PREP: variants seen among roughly 807,000 people sequenced by gnomAD.
PREP encodes dJ355L5.1 (prolyl endopeptidase).
PREP carries 29 observed loss-of-function variants against 87.6 expected under a neutral mutation model. The ratio of observed to expected loss-of-function variants is 0.33; its 90% CI spans 0.25 to 0.45. The LOEUF is 0.45. PREP is among the 20% of genes least tolerant of loss of function. The pLI is 1.00. For synonymous variants in PREP, 337 were observed against 328.6 expected (o/e 1.03, Z -0.28); for missense variants, 695 against 886.5 (o/e 0.78, Z 2.74).
chr6:105,308,279 A>G (rs1770692498), intron 10 of PREP, among the ~76,000 whole-genome samples: 1 of 152,224 alleles, frequency 6.6e-6, no homozygotes, highest in African/African-American at 2.4e-5. Flanking sequence ...ATGATCCTAG[A>G]TTCTCATAAA....
intron 10 of PREP, among the ~76,000 whole-genome samples, chr6:105,297,370 T>C (rs551047260): frequency 1.6e-4 from 24 of 152,344 alleles, no homozygotes; most frequent in African/African-American, 4.3e-4. Context: ...TAGTAACATA[T>C]AAAATGTCAT....
intron 7 of PREP, 83 bp downstream of exon 7, chr6:105,352,889 G>C: frequency 8.0e-7 from 1 of 1,242,530 alleles, no homozygotes; most frequent in South Asian, 1.3e-5. Flanking sequence ...AGAGGGTCTT[G>C]GGAAATCAAT....
At chr6:105,393,437 T>C (rs954199088) in intron 2 of PREP, among the ~76,000 whole-genome samples, 1 of 152,150 alleles carries the variant, frequency 6.6e-6, no homozygotes, top group East Asian at 1.9e-4. Flanking sequence ...GAATCTTTTC[T>C]AGCTGTCAAG....
intron 1 of PREP, among the ~76,000 whole-genome samples, chr6:105,400,931 A>G (rs890801546): frequency 6.6e-6 from 1 of 152,250 alleles, no homozygotes; most frequent in South Asian, 2.1e-4. Flanking sequence ...GCAAATACCT[A>G]AGTCAAGCCT....
At chr6:105,341,844 A>C (rs1176082599) in intron 7 of PREP, among the ~76,000 whole-genome samples, 1 of 152,252 alleles carries the variant, frequency 6.6e-6, no homozygotes, top group African/African-American at 2.4e-5. Context: ...ACCAGGAAGA[A>C]GTTGCATCCC....
intron 10 of PREP, among the ~76,000 whole-genome samples, chr6:105,309,717 C>T (rs1222246236): frequency 6.6e-6 from 1 of 152,214 alleles, no homozygotes; most frequent in Non-Finnish European, 1.5e-5. Flanking sequence ...CGCCCCCAGA[C>T]ACTCTTGCAC....
rs1237340683 is a variant in PREP at position 105,277,333 on chromosome 6, C to G, written c.*811G>C. 6.6e-6 allele frequency among the ~76,000 whole-genome samples: 1 copy of G among 151,956 alleles called. No individual in the cohort carries two copies. Among genetic ancestry groups the G allele is most frequent in the African/African-American group, 2.4e-5 (1 of 41,360 alleles). Reference sequence around the variant, plus strand: ...CATGTGATCTCTTGGAACCAAGGATCCTTGGATCCAAGGAACTCTGATTTC... The same window carrying G: ...CATGTGATCTCTTGGAACCAAGGATGCTTGGATCCAAGGAACTCTGATTTC... On this transcript the variant is annotated 3_prime_UTR_variant, in exon 15 of 15. Coordinates refer to ENST00000652536, the MANE Select transcript of PREP (RefSeq NM_002726.5).
intron 6 of PREP, among the ~76,000 whole-genome samples, chr6:105,360,616 AGAGTAT>A (rs1772220841): frequency 6.6e-6 from 1 of 152,242 alleles, no homozygotes; most frequent in African/African-American, 2.4e-5. Flanking sequence ...TCAAATTGTT[AGAGTAT>A]ATGTATAAAA....
At chr6:105,340,129 G>C (rs1031966032) in intron 7 of PREP, among the ~76,000 whole-genome samples, 2 of 152,118 alleles carry the variant, frequency 1.3e-5, no homozygotes, top group Admixed American at 6.5e-5. Context: ...AAAATGTTAA[G>C]GGCAGCCAGA....
Position 105,282,546 on chromosome 6 carries a change from T to G in PREP, c.1586A>C (p.Asp529Ala). ...ILANKQNCFD[D>A]FQCAAEYLIK... ...CAGATACTCAGCAGCACACTGAAAG[T>G]CATCAAAGCAGTTTTGTTTGTTGGC... The change falls in exon 13 of 15, where the codon GAC becomes GCC. Residue 529 changes from aspartate to alanine, a missense_variant. Transcript: ENST00000652536. 1 of 1,614,154 alleles carries G rather than the reference T, an allele frequency of 6.2e-7. No homozygotes were observed. Among genetic ancestry groups the G allele is most frequent in the Non-Finnish European group, 8.5e-7 (1 of 1,180,000 alleles).
chr6:105,373,356 A>G lies in PREP; in HGVS notation c.595+13T>C, dbSNP rs557179441. 6.2e-7 allele frequency: 1 copy of G among 1,612,430 alleles called. No individual in the cohort carries two copies. Among genetic ancestry groups the G allele is most frequent in the East Asian group, 2.2e-5 (1 of 44,866 alleles). On this transcript the variant is annotated intron_variant, in intron 5 of 14. Transcript: ENST00000652536. ...TTTGTGAAAAATGTGCTTCATCTGAAGTCTTCACTCACCATCACTTTTTCC... is the reference window on the plus strand; with the variant it reads ...TTTGTGAAAAATGTGCTTCATCTGAGGTCTTCACTCACCATCACTTTTTCC...
intron 7 of PREP, among the ~76,000 whole-genome samples, chr6:105,351,177 A>G (rs1382979181): frequency 6.6e-6 from 1 of 152,232 alleles, no homozygotes; most frequent in African/African-American, 2.4e-5. Context: ...GATGGGATTA[A>G]GGCCCATAAT....
At chr6:105,362,227 G>A (rs981271772) in intron 6 of PREP, among the ~76,000 whole-genome samples, 2 of 152,294 alleles carry the variant, frequency 1.3e-5, no homozygotes, top group South Asian at 2.1e-4. Flanking sequence ...TTGGGAGGCC[G>A]AGGCAGCCGA....
intron 2 of PREP, among the ~76,000 whole-genome samples, chr6:105,379,707 G>A (rs1772787025): frequency 1.3e-5 from 2 of 152,170 alleles, no homozygotes; most frequent in Admixed American, 1.3e-4. Flanking sequence ...GAACATCAGG[G>A]AGCTGAAGCA....
intron 7 of PREP, among the ~76,000 whole-genome samples, chr6:105,335,104 C>T (rs1176202248): frequency 6.6e-6 from 1 of 152,156 alleles, no homozygotes; most frequent in African/African-American, 2.4e-5. Context: ...TCCGTATCAT[C>T]AACATTTAAA....
chr6:105,328,959 C>A lies in PREP; in HGVS notation c.1083G>T (p.Leu361=), dbSNP rs777868716. 2.5e-6 allele frequency: 4 copies of A among 1,614,144 alleles called. No individual in the cohort carries two copies. The highest frequency in any genetic ancestry group is 3.4e-6 in the Non-Finnish European group (4 of 1,180,006). ...LCYLHDVKNI[L]QLHDLTTGAL... ...CACCAGTAGTCAGGTCATGGAGCTGCAGAATGTTCTTGACGTCATGGAGGT... is the reference window on the plus strand; with the variant it reads ...CACCAGTAGTCAGGTCATGGAGCTGAAGAATGTTCTTGACGTCATGGAGGT... The change falls in exon 9 of 15, where the codon CTG becomes CTT. Residue 361 remains leucine, a synonymous_variant. Coordinates refer to ENST00000652536, the MANE Select transcript of PREP (RefSeq NM_002726.5).
intron 10 of PREP, chr6:105,322,845 G>A: frequency 1.7e-6 from 2 of 1,155,258 alleles, no homozygotes; most frequent in Non-Finnish European, 2.2e-6. Flanking sequence ...GACAATTGAA[G>A]GGTAATTCAC....
chr6:105,311,330 C>T (rs1259895822), intron 10 of PREP, among the ~76,000 whole-genome samples: 1 of 152,170 alleles, frequency 6.6e-6, no homozygotes, highest in Non-Finnish European at 1.5e-5. Flanking sequence ...TCTCTGCCTT[C>T]CCCCTGCCCT....
At chr6:105,339,544 G>A (rs1562206376) in intron 7 of PREP, among the ~76,000 whole-genome samples, 1 of 152,222 alleles carries the variant, frequency 6.6e-6, no homozygotes, top group Non-Finnish European at 1.5e-5. Context: ...ACTTTGACGA[G>A]TTGAGAGCAG....
Sources: allele counts gnomAD v4.1 joint callset (sites outside exome capture counted in the v4.1 genomes callset), GRCh38; gene constraint gnomAD v4.1.1; transcripts MANE v1.5; gene names NCBI Gene and HGNC (gene_info 2026-07-23, HGNC 2026-07-21).